Variants in CCDC192 observed in about 807,000 individuals in gnomAD.
CCDC192 encodes the protein coiled-coil domain-containing protein 192.
At chr5:127,911,251 G>C (rs1753336707) in intron 6 of CCDC192, among the ~76,000 whole-genome samples, 1 of 152,202 alleles carries the variant, frequency 6.6e-6, no homozygotes, top group Non-Finnish European at 1.5e-5. Flanking sequence ...ATGAAGACAG[G>C]TAACACAGTG....
chr5:127,738,674 A>G (rs1301118232), intron 2 of CCDC192, among the ~76,000 whole-genome samples: 1 of 151,348 alleles, frequency 6.6e-6, no homozygotes, highest in Non-Finnish European at 1.5e-5. Flanking sequence ...GCTTCATTTC[A>G]TTCATTTCTT....
intron 6 of CCDC192, among the ~76,000 whole-genome samples, chr5:127,907,038 G>T (rs889244578): frequency 1.3e-5 from 2 of 151,650 alleles, no homozygotes; most frequent in African/African-American, 4.9e-5. Context: ...TTTTTGTTTG[G>T]TTGGGTTTTT....
At chr5:127,903,390 C>T (rs112212152) in intron 6 of CCDC192, among the ~76,000 whole-genome samples, 320 of 152,106 alleles carry the variant, frequency 2.1e-3, no homozygotes, top group African/African-American at 7.4e-3. Flanking sequence ...TTACAGGCAA[C>T]CGGCACCACA....
chr5:127,751,474 C>T (rs954416311), intron 2 of CCDC192, among the ~76,000 whole-genome samples: 6 of 152,128 alleles, frequency 3.9e-5, no homozygotes, highest in Admixed American at 6.5e-5. Context: ...GGGTTTCTGC[C>T]GAGAGATCCG....
chr5:127,896,992 A>G (rs1752909780), intron 6 of CCDC192, among the ~76,000 whole-genome samples: 1 of 152,056 alleles, frequency 6.6e-6, no homozygotes, highest in Non-Finnish European at 1.5e-5. Context: ...CAAATGTACC[A>G]GAAGTTTTTA....
intron 6 of CCDC192, among the ~76,000 whole-genome samples, chr5:127,913,856 G>C (rs1364111134): frequency 6.6e-6 from 1 of 152,166 alleles, no homozygotes; most frequent in Admixed American, 6.5e-5. Context: ...CAAACATCTT[G>C]ATTCCTTGAC....
At chr5:127,923,549 T>A (rs1753788099) in intron 6 of CCDC192, among the ~76,000 whole-genome samples, 1 of 152,244 alleles carries the variant, frequency 6.6e-6, no homozygotes, top group African/African-American at 2.4e-5. Context: ...TGCTAACTTT[T>A]TGTATTTTTA....
intron 3 of CCDC192, among the ~76,000 whole-genome samples, chr5:127,762,110 T>G (rs1037847407): frequency 4.6e-5 from 7 of 152,206 alleles, no homozygotes; most frequent in African/African-American, 1.7e-4. Flanking sequence ...GTCAAGTTTA[T>G]TTGAAATAAA....
At chr5:127,715,463 T>C (rs949928065) in intron 2 of CCDC192, among the ~76,000 whole-genome samples, 1 of 152,206 alleles carries the variant, frequency 6.6e-6, no homozygotes, top group Admixed American at 6.5e-5. Context: ...TTTATGCCAG[T>C]GGCATGCTGT....
At chr5:127,934,099 T>C (rs542315682) in intron 6 of CCDC192, among the ~76,000 whole-genome samples, 1 of 152,346 alleles carries the variant, frequency 6.6e-6, no homozygotes, top group South Asian at 2.1e-4. Flanking sequence ...CTGGGTGTTC[T>C]ACAGGCTCTC....
At chr5:127,780,300 C>T (rs998482971) in intron 3 of CCDC192, among the ~76,000 whole-genome samples, 27 of 152,164 alleles carry the variant, frequency 1.8e-4, no homozygotes, top group South Asian at 4.2e-4. Context: ...TTTCGTACAA[C>T]GACTTATTTT....
intron 6 of CCDC192, among the ~76,000 whole-genome samples, chr5:127,900,932 C>T (rs533228299): frequency 3.3e-5 from 5 of 152,226 alleles, no homozygotes; most frequent in South Asian, 2.1e-4. Context: ...ACTAAACAGT[C>T]CCTCTTCTGA....
At chr5:127,811,792 A>G (rs187434838) in intron 5 of CCDC192, among the ~76,000 whole-genome samples, 2 of 152,276 alleles carry the variant, frequency 1.3e-5, no homozygotes, top group East Asian at 3.9e-4. Flanking sequence ...TGATAGAGTC[A>G]TTGGCAAGGT....
intron 3 of CCDC192, chr5:127,785,057 T>C (rs549419919): frequency 5.2e-4 from 262 of 500,292 alleles, no homozygotes; most frequent in African/African-American, 4.8e-3. Context: ...TTAATTTGAG[T>C]GCAATCAGTC....
chr5:127,925,712 TCGA>T (rs1380321342), intron 6 of CCDC192, among the ~76,000 whole-genome samples: 3 of 152,230 alleles, frequency 2.0e-5, no homozygotes, highest in African/African-American at 7.2e-5. Flanking sequence ...CCCTCCCACG[TCGA>T]CATTATTTTT....
chr5:127,882,503 A>G (rs1479061237), intron 6 of CCDC192, among the ~76,000 whole-genome samples: 1 of 152,200 alleles, frequency 6.6e-6, no homozygotes, highest in East Asian at 1.9e-4. Context: ...TGGAGGTGAT[A>G]AAAATGTTCT....
chr5:127,709,150 AGAG>A (rs1461762832), intron 2 of CCDC192, among the ~76,000 whole-genome samples: 4 of 56,316 alleles, frequency 7.1e-5, no homozygotes, highest in South Asian at 6.1e-4. Context: ...GAGAGAAAGA[AGAG>A]AGAGAGAGGG....
intron 2 of CCDC192, among the ~76,000 whole-genome samples, chr5:127,745,052 C>G (rs1449028249): frequency 6.6e-6 from 1 of 152,206 alleles, no homozygotes; most frequent in East Asian, 1.9e-4. Flanking sequence ...ACTGCCTGCT[C>G]TGGTACAGCC....
chr5:127,740,088 G>A (rs1306222064), intron 2 of CCDC192: 2 of 152,300 alleles, frequency 1.3e-5, no homozygotes, highest in Non-Finnish European at 2.9e-5. Flanking sequence ...TTTATGAGAT[G>A]GGAAATTATC....
Sources: gnomAD v4.1 joint callset for allele counts (sites outside exome capture counted in the v4.1 genomes callset) on GRCh38, gnomAD v4.1.1 for gene constraint, MANE v1.5 for transcripts, NCBI Gene and HGNC (gene_info 2026-07-23, HGNC 2026-07-21) for gene names.